The following CTNNA2 variants were observed in gnomAD, a reference collection of about 807,000 sequenced individuals.
CTNNA2 encodes the protein catenin alpha-2.
Under a neutral mutation model 101.0 loss-of-function variants are expected in CTNNA2, and 42 were observed. That is an observed-to-expected ratio of 0.42 (90% confidence interval 0.32 to 0.54). The LOEUF (loss-of-function observed/expected upper bound fraction) is 0.54. Ranked by LOEUF, CTNNA2 falls within the 20% of genes least tolerant of loss-of-function variation. The pLI is 0.14. For missense variants in CTNNA2, 871 were observed against 1,223.1 expected (o/e 0.71, Z 4.29); for synonymous variants, 450 against 456.4 (o/e 0.99, Z 0.18).
intron 3 of CTNNA2, among the ~76,000 whole-genome samples, chr2:79,338,598 C>T (rs1296042629): frequency 1.4e-5 from 2 of 145,110 alleles, no homozygotes; most frequent in East Asian, 4.0e-4. Flanking sequence ...TCTTCTTCTT[C>T]TTCTTCTTCT....
chr2:79,232,823 C>G (rs1254472036), intron 2 of CTNNA2, among the ~76,000 whole-genome samples: 1 of 151,958 alleles, frequency 6.6e-6, no homozygotes, highest in African/African-American at 2.4e-5. Context: ...AATTTTTATG[C>G]GTGGAGGTGT....
At chr2:80,205,134 A>G (rs1414945600) in intron 7 of CTNNA2, among the ~76,000 whole-genome samples, 1 of 152,208 alleles carries the variant, frequency 6.6e-6, no homozygotes, top group East Asian at 1.9e-4. Flanking sequence ...CCTTAACCAT[A>G]TCATACACTC....
At chr2:79,242,387 T>C (rs1358206398) in intron 2 of CTNNA2, among the ~76,000 whole-genome samples, 1 of 152,174 alleles carries the variant, frequency 6.6e-6, no homozygotes, top group Non-Finnish European at 1.5e-5. Context: ...CTCTTCTTCA[T>C]GGAGGTGATT....
At chr2:80,025,147 G>T (rs565653754) in intron 7 of CTNNA2, among the ~76,000 whole-genome samples, 2 of 152,276 alleles carry the variant, frequency 1.3e-5, no homozygotes, top group South Asian at 4.2e-4. Flanking sequence ...TTGCCCTTCT[G>T]CCAGTGGAGC....
At chr2:80,043,034 TCTTTCC>T (rs1189039969) in intron 7 of CTNNA2, among the ~76,000 whole-genome samples, 3 of 63,156 alleles carry the variant, frequency 4.8e-5, no homozygotes, top group East Asian at 1.0e-3. Context: ...TTTCTTTCTT[TCTTTCC>T]TTCTTTCTTT....
Position 79,551,409 on chromosome 2 carries a change from G to T in CTNNA2, c.-6+38202G>T, listed in dbSNP as rs79072724. Among the ~76,000 whole-genome samples the T allele has an allele frequency of 4.2e-3, 633 of 152,248 alleles. 32 individuals are homozygous for T. The East Asian group carries it at 0.086, about 21-fold the overall frequency. On this transcript the variant is annotated intron_variant, in intron 1 of 18. Transcript: ENST00000402739. ...TCCACATTTTACTTGTGAAAGGAGG[G>T]TGCTCAGGGAATTACATTTTTACAT...
intron 4 of CTNNA2, among the ~76,000 whole-genome samples, chr2:79,474,329 G>A (rs887227862): frequency 2.0e-5 from 3 of 152,070 alleles, no homozygotes; most frequent in African/African-American, 7.2e-5. Context: ...ACAAAGGAAT[G>A]AACTATTGAC....
intron 7 of CTNNA2, among the ~76,000 whole-genome samples, chr2:80,046,693 C>T (rs922082448): frequency 6.6e-6 from 1 of 152,134 alleles, no homozygotes; most frequent in South Asian, 2.1e-4. Flanking sequence ...AGGATTTGTC[C>T]ACCAAAGGAC....
intron 2 of CTNNA2, among the ~76,000 whole-genome samples, chr2:79,269,325 G>A (rs12624013): frequency 9.9e-5 from 15 of 152,080 alleles, no homozygotes; most frequent in Non-Finnish European, 1.6e-4. Flanking sequence ...AACTTGTGCC[G>A]AAGTCAGCAA....
intron 3 of CTNNA2, among the ~76,000 whole-genome samples, chr2:79,313,964 T>G (rs763343237): frequency 6.6e-6 from 1 of 152,150 alleles, no homozygotes; most frequent in African/African-American, 2.4e-5. Context: ...CTCTCTCACA[T>G]GGGGACTGAG....
chr2:80,269,976 A>G (rs866762058), intron 7 of CTNNA2, among the ~76,000 whole-genome samples: 1 of 152,194 alleles, frequency 6.6e-6, no homozygotes, highest in Non-Finnish European at 1.5e-5. Context: ...AGTCTCACCT[A>G]ATAAACCAGG....
intron 8 of CTNNA2, among the ~76,000 whole-genome samples, chr2:80,407,363 A>C (rs1284467125): frequency 6.6e-6 from 1 of 152,216 alleles, no homozygotes; most frequent in Non-Finnish European, 1.5e-5. Context: ...TTGCAGTAGA[A>C]ACTTACGTAT....
At chr2:80,618,551 C>T (rs1699039401) in intron 17 of CTNNA2, among the ~76,000 whole-genome samples, 2 of 151,818 alleles carry the variant, frequency 1.3e-5, no homozygotes, top group African/African-American at 2.4e-5. Context: ...ACAATGAATG[C>T]ATTAGTCCTT....
chr2:79,948,755 C>T (rs7568815), intron 7 of CTNNA2, among the ~76,000 whole-genome samples: 11,630 of 152,052 alleles, frequency 0.076, 562 homozygotes, highest in East Asian at 0.18. Context: ...GATCACGAGG[C>T]CAGGAGATGG....
chr2:80,635,622 A>G (rs532040799), intron 18 of CTNNA2, among the ~76,000 whole-genome samples: 16 of 152,322 alleles, frequency 1.1e-4, no homozygotes, highest in East Asian at 3.9e-4. Context: ...TGATATTAAT[A>G]TACTCTTAAT....
intron 7 of CTNNA2, among the ~76,000 whole-genome samples, chr2:80,163,335 G>A (rs543843285): frequency 6.6e-6 from 1 of 152,206 alleles, no homozygotes; most frequent in Admixed American, 6.5e-5. Flanking sequence ...GCTGGGACAG[G>A]AGATTTCTCT....
intron 7 of CTNNA2, among the ~76,000 whole-genome samples, chr2:80,123,795 C>G (rs932548114): frequency 2.0e-5 from 3 of 152,140 alleles, no homozygotes; most frequent in African/African-American, 7.2e-5. Flanking sequence ...TACTGGATTC[C>G]TCTTCCATTA....
intron 7 of CTNNA2, among the ~76,000 whole-genome samples, chr2:80,330,507 T>A (rs1671222442): frequency 6.6e-6 from 1 of 152,152 alleles, no homozygotes; most frequent in African/African-American, 2.4e-5. Flanking sequence ...TTCTTTTTTT[T>A]TTTTTGCAAT....
intron 2 of CTNNA2, among the ~76,000 whole-genome samples, chr2:79,717,974 A>G (rs925250711): frequency 2.0e-5 from 3 of 151,856 alleles, no homozygotes; most frequent in Non-Finnish European, 4.4e-5. Context: ...TATCCCTGTT[A>G]GGTGGATAGC....
Sources: allele counts gnomAD v4.1 joint callset (sites outside exome capture counted in the v4.1 genomes callset), GRCh38; gene constraint gnomAD v4.1.1; transcripts MANE v1.5; gene names NCBI Gene and HGNC (gene_info 2026-07-23, HGNC 2026-07-21).